DSCAM: variants seen among roughly 807,000 people sequenced by gnomAD.
The protein encoded by DSCAM is DS cell adhesion molecule, also known as cell adhesion molecule DSCAM.
In DSCAM, 47 loss-of-function variants were observed where a neutral mutation model predicts 217.7. The observed-to-expected ratio is 0.22, with a 90% CI of 0.17 to 0.28. The LOEUF is 0.28. Ranked by LOEUF, DSCAM falls within the 10% of genes least tolerant of loss-of-function variation. The pLI, the probability that DSCAM is intolerant of heterozygous loss-of-function variation, is 1.00. For missense variants in DSCAM, 2,080 were observed against 2,618.3 expected (o/e 0.79, Z 4.49); for synonymous variants, 1,056 against 1,015.3 (o/e 1.04, Z -0.76).
chr21:40,138,225 A>G (rs147755052), intron 18 of DSCAM, among the ~76,000 whole-genome samples: 1,818 of 151,826 alleles, frequency 0.012, 19 homozygotes, highest in Non-Finnish European at 0.021. Context: ...TGCCCCTCTC[A>G]GCCTGTGTGA....
At chr21:40,029,403 C>A (rs2088474035) in intron 32 of DSCAM, among the ~76,000 whole-genome samples, 1 of 151,034 alleles carries the variant, frequency 6.6e-6, no homozygotes, top group Admixed American at 6.6e-5. Flanking sequence ...TCAGCCCCTT[C>A]CTTGGGGAAT....
chr21:40,539,539 G>A (rs1232435739), intron 3 of DSCAM, among the ~76,000 whole-genome samples: 1 of 151,976 alleles, frequency 6.6e-6, no homozygotes, highest in East Asian at 1.9e-4. Flanking sequence ...GGGATTTCCA[G>A]TGAAATTTTA....
At chr21:40,604,108 C>G (rs1181708649) in intron 3 of DSCAM, among the ~76,000 whole-genome samples, 1 of 151,836 alleles carries the variant, frequency 6.6e-6, no homozygotes, top group Non-Finnish European at 1.5e-5. Context: ...CTTGAACAGT[C>G]TGTTTCTATT....
intron 3 of DSCAM, among the ~76,000 whole-genome samples, chr21:40,565,599 A>C (rs2076758316): frequency 6.6e-6 from 1 of 152,198 alleles, no homozygotes; most frequent in South Asian, 2.1e-4. Context: ...TAGCTTCTGA[A>C]TTATCATCAG....
intron 28 of DSCAM, among the ~76,000 whole-genome samples, chr21:40,060,953 C>A (rs1023792906): frequency 1.3e-5 from 2 of 152,114 alleles, no homozygotes; most frequent in African/African-American, 4.8e-5. Context: ...AAAGCACGGG[C>A]TGAAGGCATC....
intron 11 of DSCAM, among the ~76,000 whole-genome samples, chr21:40,273,215 G>A (rs1392311791): frequency 3.9e-5 from 6 of 152,104 alleles, no homozygotes; most frequent in Admixed American, 2.0e-4. Context: ...GTCTTACAAT[G>A]TGTTTTCACA....
At chr21:40,707,948 CA>C (rs1330223153) in intron 2 of DSCAM, among the ~76,000 whole-genome samples, 2 of 152,166 alleles carry the variant, frequency 1.3e-5, no homozygotes, top group African/African-American at 4.8e-5. Context: ...ACATGTGATA[CA>C]GTCAAAAATG....
Position 40,346,021 on chromosome 21 carries a change from A to T in DSCAM, c.1210+1649T>A, listed in dbSNP as rs2074554156. On this transcript the variant is annotated intron_variant, in intron 6 of 32. Coordinates refer to ENST00000400454, the MANE Select transcript of DSCAM (RefSeq NM_001389.5). ...TTCTTGCTGTCACTCTGATAACCTG[A>T]ACTCTTCTGACATCGTTATGGATCA... is the stretch of plus-strand genomic sequence containing the variant. Among the ~76,000 whole-genome samples, 3 of 152,302 alleles carry T rather than the reference A, an allele frequency of 2.0e-5. No homozygotes were observed. The South Asian group carries it at 6.2e-4, about 32-fold the overall frequency.
chr21:40,083,796 T>C, intron 24 of DSCAM, 112 bp downstream of exon 24: 1 of 698,782 alleles, frequency 1.4e-6, no homozygotes, highest in Non-Finnish European at 2.3e-6. Context: ...TATGACGTAT[T>C]TTTGGGGGAG....
intron 27 of DSCAM, among the ~76,000 whole-genome samples, chr21:40,063,963 C>A (rs12627033): frequency 0.13 from 19,633 of 151,848 alleles, 1,592 homozygotes; most frequent in East Asian, 0.35. Flanking sequence ...TCAGCCTGGG[C>A]AATGAAACAG....
rs141683985 is a variant in DSCAM, at chr21:40,765,218, A to C, written c.44-56447T>G. ...TGCTGAGGGCATACTTTCCTAACCA[A>C]TGTCATTGCCATGAAGATTTCTGAG... On this transcript the variant is annotated intron_variant, in intron 1 of 32. Coordinates refer to ENST00000400454, the MANE Select transcript of DSCAM (RefSeq NM_001389.5). Among the ~76,000 whole-genome samples, 256 of 152,306 alleles carry C rather than the reference A, an allele frequency of 1.7e-3. 1 individual carries two copies. Among genetic ancestry groups the C allele is most frequent in the African/African-American group, 5.9e-3 (246 of 41,584 alleles).
intron 3 of DSCAM, among the ~76,000 whole-genome samples, chr21:40,641,929 T>G (rs1304759661): frequency 6.6e-6 from 1 of 151,106 alleles, no homozygotes; most frequent in Non-Finnish European, 1.5e-5. Context: ...GTGCCTGTAA[T>G]CCCAGCTACT....
intron 4 of DSCAM, among the ~76,000 whole-genome samples, chr21:40,357,433 G>A (rs2074705756): frequency 6.6e-6 from 1 of 152,124 alleles, no homozygotes; most frequent in Admixed American, 6.5e-5. Context: ...CACACCCAAT[G>A]GGTTCAGTGA....
chr21:40,557,100 G>T (rs2076678545), intron 3 of DSCAM, among the ~76,000 whole-genome samples: 2 of 152,018 alleles, frequency 1.3e-5, no homozygotes, highest in Admixed American at 6.6e-5. Flanking sequence ...GTTGTTGAAG[G>T]GTCAACTGTA....
chr21:40,594,012 G>T (rs997199063), intron 3 of DSCAM, among the ~76,000 whole-genome samples: 2 of 152,068 alleles, frequency 1.3e-5, no homozygotes, highest in East Asian at 1.9e-4. Flanking sequence ...AGTTACTTAG[G>T]TCCATTCATT....
At chr21:40,210,551 T>C (rs1288109081) in intron 11 of DSCAM, among the ~76,000 whole-genome samples, 2 of 152,204 alleles carry the variant, frequency 1.3e-5, no homozygotes, top group Non-Finnish European at 1.5e-5. Flanking sequence ...TTTATTCATT[T>C]ATTTGTTCTT....
At chr21:40,809,523 A>T (rs1175423640) in intron 1 of DSCAM, among the ~76,000 whole-genome samples, 2 of 152,202 alleles carry the variant, frequency 1.3e-5, no homozygotes, top group Non-Finnish European at 1.5e-5. Context: ...ATCGCTCAAT[A>T]AAGATGTTAA....
chr21:40,212,803 A>G (rs984024013), intron 11 of DSCAM, among the ~76,000 whole-genome samples: 7 of 152,216 alleles, frequency 4.6e-5, no homozygotes, highest in African/African-American at 1.7e-4. Flanking sequence ...ACCTCTAGAT[A>G]AGGTCATCCT....
intron 3 of DSCAM, among the ~76,000 whole-genome samples, chr21:40,546,069 G>A (rs1364751424): frequency 6.6e-6 from 1 of 152,252 alleles, no homozygotes; most frequent in Non-Finnish European, 1.5e-5. Context: ...GCAGTGCATA[G>A]GCACTCATTC....
Sources: allele counts gnomAD v4.1 joint callset (sites outside exome capture counted in the v4.1 genomes callset), GRCh38; gene constraint gnomAD v4.1.1; transcripts MANE v1.5; gene names NCBI Gene and HGNC (gene_info 2026-07-23, HGNC 2026-07-21).